The following PMFBP1 variants were observed in gnomAD, a reference collection of about 807,000 sequenced individuals.
The protein encoded by PMFBP1 is polyamine-modulated factor 1-binding protein 1.
Under a neutral mutation model 137.8 loss-of-function variants are expected in PMFBP1, and 131 were observed. The observed-to-expected ratio is 0.95, with a 90% CI of 0.82 to 1.10. PMFBP1 has a LOEUF of 1.10. PMFBP1 is among the 50% of genes least tolerant of loss of function. The probability of loss-of-function intolerance (pLI) is 0.00; values close to 1 mark genes in which losing one functional copy is unlikely to be tolerated. For missense variants in PMFBP1, 1,199 were observed against 1,175.4 expected (o/e 1.02, Z -0.29); for synonymous variants, 490 against 450.4 (o/e 1.09, Z -1.11).
chr16:72,217,952 A>G, the PMFBP1 span, among the ~76,000 whole-genome samples: 1 of 152,228 alleles, frequency 6.6e-6, no homozygotes, highest in Non-Finnish European at 1.5e-5. Flanking sequence ...GGTCGATTTC[A>G]AACTATCAAC....
chr16:72,170,472 C>G (rs1476289212), intron 2 of PMFBP1, among the ~76,000 whole-genome samples: 1 of 152,092 alleles, frequency 6.6e-6, no homozygotes, highest in African/African-American at 2.4e-5. Flanking sequence ...CTTTGTCGCC[C>G]CGGCTGGAAT....
chr16:72,153,789 A>G (rs1186993465), intron 4 of PMFBP1, among the ~76,000 whole-genome samples: 1 of 148,036 alleles, frequency 6.8e-6, no homozygotes, highest in East Asian at 2.0e-4. Context: ...CCAGGAATTT[A>G]TATATTATCA....
At chr16:72,209,083 T>C in the PMFBP1 span, among the ~76,000 whole-genome samples, 2 of 152,214 alleles carry the variant, frequency 1.3e-5, no homozygotes, top group Non-Finnish European at 2.9e-5. Flanking sequence ...ACATAGCCAG[T>C]GGGCCTGGAC....
chr16:72,239,885 C>CAAAAAAAAAAAAAAAAAAAAAAAAAA, the PMFBP1 span, among the ~76,000 whole-genome samples: 1 of 21,400 alleles, frequency 4.7e-5, no homozygotes. Flanking sequence ...ACTCCATGTA[C>CAAAAAAAAAAAAAAAAAAAAAAAAAA]AAAAAAAAAA....
the PMFBP1 span, among the ~76,000 whole-genome samples, chr16:72,214,457 G>A: frequency 6.6e-6 from 1 of 152,198 alleles, no homozygotes; most frequent in African/African-American, 2.4e-5. Flanking sequence ...TTACAGGCGT[G>A]AGCCACTGCG....
chr16:72,225,709 T>TATTATAATAATAATA, the PMFBP1 span, among the ~76,000 whole-genome samples: 50 of 109,612 alleles, frequency 4.6e-4, no homozygotes, highest in Admixed American at 2.2e-3. Context: ...TGAGACTGTT[T>TATTATAATAATAATA]ATAATAATAA....
chr16:72,223,875 CTT>C, the PMFBP1 span, among the ~76,000 whole-genome samples: 1 of 152,160 alleles, frequency 6.6e-6, no homozygotes, highest in Non-Finnish European at 1.5e-5. Flanking sequence ...TAGAAATTTC[CTT>C]CTTAAAGGTT....
At chr16:72,118,354 G>A (rs943993251), downstream of PMFBP1, among the ~76,000 whole-genome samples, 4 of 152,120 alleles carry the variant, frequency 2.6e-5, no homozygotes, top group Admixed American at 2.6e-4. Flanking sequence ...AGCTCACACT[G>A]CATTTCTGGA....
chr16:72,243,659 A>G, the PMFBP1 span, among the ~76,000 whole-genome samples: 1 of 152,198 alleles, frequency 6.6e-6, no homozygotes, highest in African/African-American at 2.4e-5. Context: ...AGGGAGATTC[A>G]GCAGGACTGC....
the PMFBP1 span, among the ~76,000 whole-genome samples, chr16:72,229,981 TG>T: frequency 6.6e-6 from 1 of 152,222 alleles, no homozygotes; most frequent in African/African-American, 2.4e-5. Flanking sequence ...TACACACCGC[TG>T]AAGGCTGGTG....
the PMFBP1 span, among the ~76,000 whole-genome samples, chr16:72,221,821 A>G: frequency 6.6e-6 from 1 of 152,228 alleles, no homozygotes; most frequent in East Asian, 1.9e-4. Context: ...ACATAGAGTC[A>G]TTTGGTTGAA....
chr16:72,229,854 G>A, the PMFBP1 span, among the ~76,000 whole-genome samples: 4 of 151,996 alleles, frequency 2.6e-5, no homozygotes, highest in Non-Finnish European at 4.4e-5. Flanking sequence ...TTTTTGCGGT[G>A]CCTGATTTGA....
chr16:72,194,954 A>G, the PMFBP1 span, among the ~76,000 whole-genome samples: 2 of 152,310 alleles, frequency 1.3e-5, no homozygotes, highest in South Asian at 2.1e-4. Flanking sequence ...AGATGCATCA[A>G]TCCATAGTGT....
chr16:72,181,169 G>T (rs1456462676), upstream of PMFBP1, among the ~76,000 whole-genome samples: 1 of 151,572 alleles, frequency 6.6e-6, no homozygotes, highest in Non-Finnish European at 1.5e-5. Flanking sequence ...AACTCAGGAG[G>T]CAGAGGCTGC....
At chr16:72,161,873 C>A (rs557807049) in intron 3 of PMFBP1, among the ~76,000 whole-genome samples, 2 of 152,146 alleles carry the variant, frequency 1.3e-5, no homozygotes, top group East Asian at 1.9e-4. Flanking sequence ...GTAATAATGC[C>A]CATCAAGATT....
At chr16:72,136,374 C>T in intron 9 of PMFBP1, 74 bp downstream of exon 9, 4 of 1,534,030 alleles carry the variant, frequency 2.6e-6, no homozygotes, top group Non-Finnish European at 3.5e-6. Context: ...TGGGTGAAGG[C>T]AGAACCGGTT....
At chr16:72,130,506 T>C (rs1218517999) in intron 11 of PMFBP1, 27 bp downstream of exon 11, 1 of 1,613,266 alleles carries the variant, frequency 6.2e-7, no homozygotes, top group Non-Finnish European at 8.5e-7. Context: ...AGAACCTCTC[T>C]CTGGAGGGGA....
At chr16:72,187,283 G>A in the PMFBP1 span, among the ~76,000 whole-genome samples, 5 of 152,134 alleles carry the variant, frequency 3.3e-5, no homozygotes, top group Non-Finnish European at 1.5e-5. Context: ...AGATGAGTCT[G>A]CAGATTATAG....
At chr16:72,223,700 G>A in the PMFBP1 span, among the ~76,000 whole-genome samples, 1 of 152,198 alleles carries the variant, frequency 6.6e-6, no homozygotes, top group Non-Finnish European at 1.5e-5. Flanking sequence ...AACAGGAAAA[G>A]GACAAAAACT....
Sources: allele counts gnomAD v4.1 joint callset (sites outside exome capture counted in the v4.1 genomes callset), GRCh38; gene constraint gnomAD v4.1.1; transcripts MANE v1.5; gene names NCBI Gene and HGNC (gene_info 2026-07-23, HGNC 2026-07-21).